The following IQCH variants were observed in gnomAD, a reference collection of about 807,000 sequenced individuals.
The protein encoded by IQCH is IQ motif containing H.
In IQCH, 98 loss-of-function variants were observed where a neutral mutation model predicts 117.0. That is an observed-to-expected ratio of 0.84 (90% confidence interval 0.71 to 0.99). IQCH has a LOEUF of 0.99. Among genes scored for constraint, IQCH ranks in the 50% least tolerant of loss-of-function variants. The probability of loss-of-function intolerance (pLI) is 0.00; values close to 1 mark genes in which losing one functional copy is unlikely to be tolerated. For synonymous variants in IQCH, 412 were observed against 448.2 expected (o/e 0.92, Z 1.02); for missense variants, 1,102 against 1,243.8 (o/e 0.89, Z 1.72).
rs975880543 is a variant in IQCH, at chr15:67,438,051, C to T, written c.2505+16474C>T. 2.6e-5 allele frequency among the ~76,000 whole-genome samples: 4 copies of T among 152,126 alleles called. No homozygotes were observed. The East Asian group carries it at 7.7e-4, about 29-fold the overall frequency. On this transcript the variant is annotated intron_variant, in intron 16 of 20. Transcript: ENST00000335894. ...CAAATACAAGAAGCACAAAGAACAA[C>T]TGGAAATTTTATTGCAAAAAGATCT...
intron 18 of IQCH, among the ~76,000 whole-genome samples, chr15:67,485,593 A>G (rs1333090401): frequency 6.6e-6 from 1 of 152,222 alleles, no homozygotes; most frequent in African/African-American, 2.4e-5. Flanking sequence ...AGATAAATAT[A>G]AGGAAAATCA....
chr15:67,460,423 T>G (rs1366742629), intron 16 of IQCH, among the ~76,000 whole-genome samples: 1 of 152,246 alleles, frequency 6.6e-6, no homozygotes, highest in Non-Finnish European at 1.5e-5. Context: ...TTTTGCTGTT[T>G]TGTGCATCTT....
chr15:67,380,322 T>C (rs77494808), intron 10 of IQCH, among the ~76,000 whole-genome samples: 1,772 of 152,336 alleles, frequency 0.012, 34 homozygotes, highest in African/African-American at 0.041. Context: ...TCAACAAATG[T>C]ATTTCCATGT....
At chr15:67,374,965 A>G (rs562160902) in intron 10 of IQCH, among the ~76,000 whole-genome samples, 83 of 152,328 alleles carry the variant, frequency 5.4e-4, no homozygotes, top group African/African-American at 1.9e-3. Flanking sequence ...GTTGCTTAGC[A>G]CAAAGGTGTG....
chr15:67,312,824 T>C (rs1264995165), intron 4 of IQCH, among the ~76,000 whole-genome samples: 1 of 152,182 alleles, frequency 6.6e-6, no homozygotes, highest in East Asian at 1.9e-4. Context: ...TCCAGGTTAA[T>C]TATCTACTGA....
At chr15:67,398,152 T>C (rs1456886340) in intron 13 of IQCH, among the ~76,000 whole-genome samples, 4 of 152,152 alleles carry the variant, frequency 2.6e-5, no homozygotes, top group Admixed American at 2.6e-4. Flanking sequence ...ATTCTGTTAG[T>C]AGTCGAAACC....
intron 4 of IQCH, among the ~76,000 whole-genome samples, chr15:67,325,615 C>G (rs1446585911): frequency 1.3e-5 from 2 of 151,960 alleles, no homozygotes; most frequent in Non-Finnish European, 2.9e-5. Context: ...ATTATACTTA[C>G]GATACTTTAT....
intron 4 of IQCH, among the ~76,000 whole-genome samples, chr15:67,302,793 G>A (rs746240636): frequency 5.3e-5 from 8 of 152,158 alleles, no homozygotes; most frequent in Non-Finnish European, 8.8e-5. Context: ...GGAGGCGGAG[G>A]TTTCAGTGAA....
At position 67,453,575 on chromosome 15, in the gene IQCH, T is replaced by C. The variant is rs1212789915; in HGVS notation, c.2506-11552T>C. ...AACCGCAAATGCTGCTGCCTGATCA[T>C]TCCTCTGCAAGTTTTGTCTCAGAGG... is the stretch of plus-strand genomic sequence containing the variant. On this transcript the variant is annotated intron_variant, in intron 16 of 20. Coordinates refer to ENST00000335894, the MANE Select transcript of IQCH (RefSeq NM_001031715.3). This position sits in a 1 kb window ranked among gnomAD's most constrained non-coding sequence, Gnocchi z 5.8. Among the ~76,000 whole-genome samples the C allele has an allele frequency of 6.6e-6, 1 of 152,186 alleles. No individual in the cohort carries two copies. Among genetic ancestry groups the C allele is most frequent in the Non-Finnish European group, 1.5e-5 (1 of 68,022 alleles).
At chr15:67,270,852 C>T (rs1372746800) in intron 3 of IQCH, among the ~76,000 whole-genome samples, 2 of 152,194 alleles carry the variant, frequency 1.3e-5, no homozygotes, top group African/African-American at 4.8e-5. Context: ...ACAAGGGATG[C>T]TGAATTTTAT....
At chr15:67,295,751 A>T (rs1298754293) in intron 4 of IQCH, among the ~76,000 whole-genome samples, 7 of 152,178 alleles carry the variant, frequency 4.6e-5, no homozygotes, top group Non-Finnish European at 8.8e-5. Context: ...CTAGGTCAAG[A>T]TGTATATTCT....
At chr15:67,306,739 CAT>C in intron 4 of IQCH, 1 of 893,464 alleles carries the variant, frequency 1.1e-6, no homozygotes, top group Admixed American at 2.0e-5. Flanking sequence ...TTACCAAAAA[CAT>C]ATTAAAAGTG....
At chr15:67,371,435 A>T (rs945253226) in intron 8 of IQCH, 5 of 1,442,264 alleles carry the variant, frequency 3.5e-6, no homozygotes, top group Non-Finnish European at 4.6e-6. Context: ...CAGATTTGTG[A>T]TCCTAATCCA....
In IQCH at chr15:67,347,799, CTA is replaced by C. The variant is rs979282354; in HGVS notation, c.637+3621_637+3622del. On this transcript the variant is annotated intron_variant, in intron 6 of 20. Coordinates refer to ENST00000335894, the MANE Select transcript of IQCH (RefSeq NM_001031715.3). ...TAGCAAATTGAATCTAGTGCTCTGT[CTA>C]TATATATATATAGATATATATTTAT... 2.2e-3 allele frequency among the ~76,000 whole-genome samples: 311 copies of C among 142,384 alleles called. 1 individual carries two copies. Among genetic ancestry groups the C allele is most frequent in the African/African-American group, 4.0e-3 (154 of 38,822 alleles). 93.4% of individuals were successfully genotyped at this position (142,384 alleles called of 152,430 possible). A position where few individuals can be genotyped will look rare whatever the true frequency, so the allele number is the denominator to read the frequency against.
chr15:67,385,089 T>A lies in IQCH; in HGVS notation c.1456+70T>A. On this transcript the variant is annotated intron_variant, in intron 11 of 20. Transcript: ENST00000335894. The surrounding 1 kb of genome is among the most constrained non-coding windows in gnomAD (Gnocchi z 4.6). ...CAGTGGATGTTGATAGAATGTGTTGTTTTGTTTGTTTGTTTTTTGCTTATT... is the reference window on the plus strand; with the variant it reads ...CAGTGGATGTTGATAGAATGTGTTGATTTGTTTGTTTGTTTTTTGCTTATT... 3.1e-6 allele frequency: 3 copies of A among 978,964 alleles called. No homozygotes were observed. In the South Asian group the frequency reaches 4.4e-5, roughly 14 times the overall value. 60.6% of individuals were successfully genotyped at this position (978,964 alleles called of 1,614,324 possible).
At chr15:67,361,533 T>C (rs1970131906) in intron 8 of IQCH, among the ~76,000 whole-genome samples, 1 of 152,382 alleles carries the variant, frequency 6.6e-6, no homozygotes, top group African/African-American at 2.4e-5. Flanking sequence ...TTCTAAAATA[T>C]ATTACACTTC....
rs578191965 is a variant in IQCH, at chr15:67,356,704, C to T, written c.638-641C>T. Among the ~76,000 whole-genome samples, 6 of 152,266 alleles carry T rather than the reference C, an allele frequency of 3.9e-5. No homozygotes were observed. The highest frequency in any genetic ancestry group is 3.9e-4 in the Admixed American group (6 of 15,286). ...AAGGATTTTTCTCCCCTGAGAATGT[C>T]AGACTTGGGCTTTTGGTAAAGGGCA... is the stretch of plus-strand genomic sequence containing the variant. On this transcript the variant is annotated intron_variant, in intron 6 of 20. Coordinates refer to ENST00000335894, the MANE Select transcript of IQCH (RefSeq NM_001031715.3). The surrounding 1 kb of genome is among the most constrained non-coding windows in gnomAD (Gnocchi z 5.3).
intron 6 of IQCH, among the ~76,000 whole-genome samples, chr15:67,350,056 A>T (rs1009946673): frequency 1.3e-5 from 2 of 152,242 alleles, no homozygotes; most frequent in Admixed American, 1.3e-4. Flanking sequence ...ACATATTTAC[A>T]CAAAAACCTG....
intron 8 of IQCH, among the ~76,000 whole-genome samples, chr15:67,363,852 C>T (rs1596262512): frequency 6.6e-6 from 1 of 152,278 alleles, no homozygotes; most frequent in East Asian, 1.9e-4. Flanking sequence ...TAATAGCCTC[C>T]AGCTCTATCC....
Sources: gnomAD v4.1 joint callset for allele counts (sites outside exome capture counted in the v4.1 genomes callset) on GRCh38, gnomAD v4.1.1 for gene constraint, Gnocchi (gnomAD v3.1) non-coding constraint, MANE v1.5 for transcripts, NCBI Gene and HGNC (gene_info 2026-07-23, HGNC 2026-07-21) for gene names.